LDLRAD4: variants seen among roughly 807,000 people sequenced by gnomAD.
The protein encoded by LDLRAD4 is low density lipoprotein receptor class A domain containing 4.
LDLRAD4 carries 5 observed loss-of-function variants against 17.0 expected under a neutral mutation model. The observed-to-expected ratio is 0.29, with a 90% CI of 0.15 to 0.62. LDLRAD4 has a LOEUF of 0.62. LDLRAD4 is among the 20% of genes least tolerant of loss of function. LDLRAD4 has a pLI of 0.84. For synonymous variants in LDLRAD4, 168 were observed against 171.8 expected (o/e 0.98, Z 0.17); for missense variants, 340 against 424.7 (o/e 0.80, Z 1.75).
At chr18:13,407,901 C>G (rs1290275487) in intron 2 of LDLRAD4, among the ~76,000 whole-genome samples, 10 of 152,180 alleles carry the variant, frequency 6.6e-5, no homozygotes. Flanking sequence ...TTTAAGAAAC[C>G]ATAATTAGTC....
At chr18:13,284,174 A>C (rs2045469111) in intron 1 of LDLRAD4, among the ~76,000 whole-genome samples, 1 of 152,210 alleles carries the variant, frequency 6.6e-6, no homozygotes, top group Non-Finnish European at 1.5e-5. Flanking sequence ...GGGATGCCGA[A>C]TGCCCTTGTT....
chr18:13,516,939 T>G (rs2093876339), intron 3 of LDLRAD4, among the ~76,000 whole-genome samples: 1 of 152,230 alleles, frequency 6.6e-6, no homozygotes, highest in Non-Finnish European at 1.5e-5. Flanking sequence ...AGCCTCGAAC[T>G]CCTAACCTCA....
chr18:13,322,644 G>A (rs1323391309), intron 1 of LDLRAD4, among the ~76,000 whole-genome samples: 1 of 150,836 alleles, frequency 6.6e-6, no homozygotes, highest in African/African-American at 2.4e-5. Context: ...TTGAGACGGA[G>A]TATCGCTCTG....
At chr18:13,502,838 G>A (rs759328146) in intron 3 of LDLRAD4, among the ~76,000 whole-genome samples, 2 of 152,238 alleles carry the variant, frequency 1.3e-5, no homozygotes, top group Admixed American at 6.5e-5. Flanking sequence ...AACTTCACCC[G>A]TCTGGTCACT....
intron 1 of LDLRAD4, among the ~76,000 whole-genome samples, chr18:13,259,675 C>T (rs2043701078): frequency 6.6e-6 from 1 of 152,138 alleles, no homozygotes; most frequent in South Asian, 2.1e-4. Flanking sequence ...CTGATTCTCC[C>T]CTATAATCCA....
intron 3 of LDLRAD4, among the ~76,000 whole-genome samples, chr18:13,481,609 C>T (rs1370060492): frequency 3.9e-5 from 6 of 152,130 alleles, no homozygotes; most frequent in Admixed American, 2.0e-4. Flanking sequence ...CCCCACCGCA[C>T]GCACCTCTTC....
At chr18:13,623,658 T>C (rs1440230099) in intron 4 of LDLRAD4, among the ~76,000 whole-genome samples, 2 of 152,216 alleles carry the variant, frequency 1.3e-5, no homozygotes, top group African/African-American at 4.8e-5. Context: ...ATTAGCCCAG[T>C]TGATGGTTCC....
At chr18:13,369,592 T>C (rs1489375893) in intron 1 of LDLRAD4, among the ~76,000 whole-genome samples, 1 of 151,954 alleles carries the variant, frequency 6.6e-6, no homozygotes, top group East Asian at 1.9e-4. Flanking sequence ...TGCCCCGGAG[T>C]GTACACTGCA....
intron 1 of LDLRAD4, among the ~76,000 whole-genome samples, chr18:13,334,063 C>T (rs1419936277): frequency 6.6e-6 from 1 of 152,076 alleles, no homozygotes; most frequent in African/African-American, 2.4e-5. Context: ...TATGTAGTTC[C>T]TCTTTTATTT....
At chr18:13,245,946 C>G (rs1473501994) in intron 1 of LDLRAD4, among the ~76,000 whole-genome samples, 2 of 152,230 alleles carry the variant, frequency 1.3e-5, no homozygotes, top group African/African-American at 4.8e-5. Context: ...GGGCTCAGAG[C>G]ACTGCAGCTA....
intron 3 of LDLRAD4, among the ~76,000 whole-genome samples, chr18:13,588,327 A>G (rs2094962220): frequency 6.6e-6 from 1 of 152,138 alleles, no homozygotes; most frequent in Non-Finnish European, 1.5e-5. Context: ...TCTATTCTGA[A>G]TGGACCAGTG....
intron 1 of LDLRAD4, among the ~76,000 whole-genome samples, chr18:13,314,545 A>T (rs970523615): frequency 3.9e-5 from 6 of 152,210 alleles, no homozygotes; most frequent in African/African-American, 1.4e-4. Flanking sequence ...CACTGGAGGG[A>T]CCAGGTCCTG....
intron 1 of LDLRAD4, among the ~76,000 whole-genome samples, chr18:13,252,675 G>A (rs1343293614): frequency 6.6e-6 from 1 of 152,234 alleles, no homozygotes; most frequent in African/African-American, 2.4e-5. Flanking sequence ...TGCCGCAGAT[G>A]TGATGGATGA....
rs533589610 is a variant in LDLRAD4, at chr18:13,492,638, A to C, written c.181+54254A>C. On this transcript the variant is annotated intron_variant, in intron 3 of 5. Coordinates refer to ENST00000359446, the Ensembl canonical transcript of LDLRAD4. ...TCTCCACTGACTGGGGCGGCCCTCCAGCAGGTGTCCCAGGGCCTTAGATCC... is the reference window on the plus strand; with the variant it reads ...TCTCCACTGACTGGGGCGGCCCTCCCGCAGGTGTCCCAGGGCCTTAGATCC... 1.8e-4 allele frequency among the ~76,000 whole-genome samples: 28 copies of C among 152,358 alleles called. No homozygotes were observed. In the South Asian group the frequency reaches 3.9e-3, roughly 21 times the overall value.
At chr18:13,554,992 C>T (rs935439299) in intron 3 of LDLRAD4, among the ~76,000 whole-genome samples, 2 of 152,174 alleles carry the variant, frequency 1.3e-5, no homozygotes, top group Admixed American at 1.3e-4. Flanking sequence ...CCCTGTGGCC[C>T]TCCTCTCCCA....
intron 1 of LDLRAD4, among the ~76,000 whole-genome samples, chr18:13,385,746 G>A (rs1041180130): frequency 3.9e-5 from 6 of 152,140 alleles, no homozygotes; most frequent in African/African-American, 9.7e-5. Flanking sequence ...GTTTTCTTCC[G>A]AAGTTCCTGT....
intron 2 of LDLRAD4, among the ~76,000 whole-genome samples, chr18:13,431,629 A>G (rs909395877): frequency 2.0e-5 from 3 of 152,230 alleles, no homozygotes; most frequent in Non-Finnish European, 4.4e-5. Context: ...ACCCATTAAA[A>G]TCATCTTTTC....
intron 3 of LDLRAD4, chr18:13,612,623 G>T: frequency 6.2e-7 from 1 of 1,606,954 alleles, no homozygotes; most frequent in Non-Finnish European, 8.5e-7. Context: ...GCCTGGAGAG[G>T]AGATTGCCGG....
At chr18:13,422,288 A>G (rs985703172) in intron 2 of LDLRAD4, among the ~76,000 whole-genome samples, 1 of 152,190 alleles carries the variant, frequency 6.6e-6, no homozygotes, top group African/African-American at 2.4e-5. Flanking sequence ...ACAGAGAGAG[A>G]TGGTGATGTG....
Sources: gnomAD v4.1 joint callset for allele counts (sites outside exome capture counted in the v4.1 genomes callset) on GRCh38, gnomAD v4.1.1 for gene constraint, MANE v1.5 for transcripts, NCBI Gene and HGNC (gene_info 2026-07-23, HGNC 2026-07-21) for gene names.